FHIT: variants seen among roughly 807,000 people sequenced by gnomAD.
FHIT encodes the protein fragile histidine triad diadenosine triphosphatase.
In FHIT, 19 loss-of-function variants were observed where a neutral mutation model predicts 17.9. The observed-to-expected ratio is 1.06, with a 90% CI of 0.74 to 1.56. The LOEUF is 1.56. Among genes scored for constraint, FHIT ranks in the 40% most tolerant of loss-of-function variants. The probability of loss-of-function intolerance (pLI) is 0.00; values close to 1 mark genes in which losing one functional copy is unlikely to be tolerated. For missense variants in FHIT, 248 were observed against 189.2 expected, an observed-to-expected ratio of 1.31 and a Z score of -1.82; for synonymous variants, 81 against 69.7, an observed-to-expected ratio of 1.16 and a Z score of -0.81.
intron 8 of FHIT, among the ~76,000 whole-genome samples, chr3:59,916,178 A>T (rs977411104): frequency 6.6e-6 from 1 of 152,130 alleles, no homozygotes; most frequent in Admixed American, 6.5e-5. Flanking sequence ...GCAGGCAGAA[A>T]GTGGAAAGAG....
intron 8 of FHIT, among the ~76,000 whole-genome samples, chr3:59,783,633 T>G (rs1702703069): frequency 1.3e-5 from 2 of 152,180 alleles, no homozygotes; most frequent in African/African-American, 4.8e-5. Flanking sequence ...GGTCAGATAA[T>G]TCTTAGTTGA....
At chr3:60,534,592 G>T (rs1414346233) in intron 5 of FHIT, among the ~76,000 whole-genome samples, 1 of 152,140 alleles carries the variant, frequency 6.6e-6, no homozygotes, top group East Asian at 1.9e-4. Context: ...TTTAAATACT[G>T]CAGCTGTTAA....
intron 4 of FHIT, among the ~76,000 whole-genome samples, chr3:60,632,180 G>T (rs1316889871): frequency 6.6e-6 from 1 of 152,006 alleles, no homozygotes; most frequent in Non-Finnish European, 1.5e-5. Context: ...TTCAGGGGCT[G>T]ACTAATTCTT....
intron 3 of FHIT, among the ~76,000 whole-genome samples, chr3:60,920,582 G>A (rs960792321): frequency 6.6e-6 from 1 of 151,972 alleles, no homozygotes; most frequent in Admixed American, 6.6e-5. Context: ...AACTAAGTGA[G>A]GTGAAAAGTG....
intron 8 of FHIT, among the ~76,000 whole-genome samples, chr3:59,819,306 C>T (rs773386437): frequency 4.6e-5 from 7 of 152,254 alleles, no homozygotes; most frequent in Admixed American, 6.5e-5. Context: ...ACCAATTTCT[C>T]GAGGTTCTTG....
At chr3:60,350,720 A>T (rs1199272456) in intron 5 of FHIT, among the ~76,000 whole-genome samples, 1 of 152,104 alleles carries the variant, frequency 6.6e-6, no homozygotes, top group African/African-American at 2.4e-5. Context: ...GTCTAAGATA[A>T]GCGTGATGAA....
At chr3:59,884,264 A>T (rs1703527452) in intron 8 of FHIT, among the ~76,000 whole-genome samples, 1 of 152,248 alleles carries the variant, frequency 6.6e-6, no homozygotes, top group Non-Finnish European at 1.5e-5. Flanking sequence ...TTTTATGATT[A>T]CTCACAAATT....
At chr3:60,652,285 T>C (rs1228108000) in intron 4 of FHIT, among the ~76,000 whole-genome samples, 4 of 152,130 alleles carry the variant, frequency 2.6e-5, no homozygotes, top group Non-Finnish European at 2.9e-5. Context: ...GGGAGAACCA[T>C]CACAGTTATC....
chr3:60,874,669 G>A (rs1397187652), intron 3 of FHIT, among the ~76,000 whole-genome samples: 8 of 152,188 alleles, frequency 5.3e-5, no homozygotes, highest in South Asian at 2.1e-4. Context: ...CAGCTTCTGC[G>A]GGCCTCCTCT....
chr3:60,522,109 T>G lies in FHIT; in HGVS notation c.103+14751A>C, dbSNP rs576317137. Among the ~76,000 whole-genome samples, 62 of 150,134 alleles carry G rather than the reference T, an allele frequency of 4.1e-4. No individual in the cohort carries two copies. The East Asian group carries it at 0.012, about 28-fold the overall frequency. On this transcript the variant is annotated intron_variant, in intron 5 of 9. Transcript: ENST00000492590. Reference sequence around the variant, plus strand: ...GAAACAGCAACAGCAACCAGAAGTTTTTTTTTTTTTTTTTTCTGACACAGA... The same window carrying G: ...GAAACAGCAACAGCAACCAGAAGTTGTTTTTTTTTTTTTTTCTGACACAGA...
intron 2 of FHIT, among the ~76,000 whole-genome samples, chr3:61,190,571 T>C (rs1427913031): frequency 1.3e-5 from 2 of 152,160 alleles, no homozygotes; most frequent in Admixed American, 1.3e-4. Context: ...CCCAGCCATC[T>C]CATTACTGGG....
chr3:60,835,950 C>T (rs570013964), intron 3 of FHIT, among the ~76,000 whole-genome samples: 2 of 152,290 alleles, frequency 1.3e-5, no homozygotes, highest in Admixed American at 6.5e-5. Flanking sequence ...TGTGTTTTTT[C>T]GTCTTTGTAG....
At chr3:60,714,471 T>C (rs1553706127) in intron 4 of FHIT, among the ~76,000 whole-genome samples, 2 of 152,080 alleles carry the variant, frequency 1.3e-5, no homozygotes, top group African/African-American at 4.8e-5. Flanking sequence ...GGGTATTCAA[T>C]TAGGAAAAGA....
intron 2 of FHIT, among the ~76,000 whole-genome samples, chr3:61,151,296 T>C (rs1343952733): frequency 6.6e-6 from 1 of 152,198 alleles, no homozygotes; most frequent in Non-Finnish European, 1.5e-5. Context: ...TCAGTCCCTT[T>C]TCATAATATA....
intron 3 of FHIT, among the ~76,000 whole-genome samples, chr3:61,034,539 T>C (rs1454206125): frequency 6.6e-6 from 1 of 152,184 alleles, no homozygotes; most frequent in Non-Finnish European, 1.5e-5. Context: ...AAGATGCTCA[T>C]CATTAGTCAT....
Position 60,101,348 on chromosome 3 carries a change from G to A in FHIT, c.104-87196C>T, listed in dbSNP as rs368439397. Among the ~76,000 whole-genome samples, 3 of 152,298 alleles carry A rather than the reference G, an allele frequency of 2.0e-5. No homozygotes were observed. The East Asian group carries it at 5.8e-4, about 29-fold the overall frequency. The stretch of plus-strand genomic sequence containing the variant: ...CACCTCCTGCACCCTGGGCTCACTG[G>A]CTTCCTCTCACACCTGAGCACTTGC... On this transcript the variant is annotated intron_variant, in intron 5 of 9. Transcript: ENST00000492590.
chr3:60,494,808 C>CA (rs1180506544), intron 5 of FHIT, among the ~76,000 whole-genome samples: 2 of 152,162 alleles, frequency 1.3e-5, no homozygotes, highest in Non-Finnish European at 2.9e-5. Flanking sequence ...GACATGATCT[C>CA]ATTCTTTTTT....
chr3:60,535,530 C>A (rs186102818), intron 5 of FHIT, among the ~76,000 whole-genome samples: 58 of 151,782 alleles, frequency 3.8e-4, no homozygotes, highest in African/African-American at 1.4e-3. Flanking sequence ...GATTTCAATA[C>A]ACAATTGGTA....
intron 3 of FHIT, among the ~76,000 whole-genome samples, chr3:61,010,310 G>C (rs2031718599): frequency 6.6e-6 from 1 of 151,926 alleles, no homozygotes; most frequent in Non-Finnish European, 1.5e-5. Context: ...TCCAATATTA[G>C]CCCATTAGTC....
Sources: gnomAD v4.1 joint callset for allele counts (sites outside exome capture counted in the v4.1 genomes callset) on GRCh38, gnomAD v4.1.1 for gene constraint, MANE v1.5 for transcripts, NCBI Gene and HGNC (gene_info 2026-07-23, HGNC 2026-07-21) for gene names.